The following CSMD1 variants were observed in gnomAD, a reference collection of about 807,000 sequenced individuals.
CSMD1 encodes the protein CUB and sushi domain-containing protein 1.
CSMD1 carries 213 observed loss-of-function variants against 417.5 expected under a neutral mutation model. That is an observed-to-expected ratio of 0.51 (90% CI 0.46 to 0.57). The LOEUF is 0.57. Ranked by LOEUF, CSMD1 falls within the 20% of genes least tolerant of loss-of-function variation. The pLI is 0.00. For synonymous variants in CSMD1, 2,862 were observed against 1,736.8 expected, an observed-to-expected ratio of 1.65 and a Z score of -16.11; for missense variants, 6,923 against 4,529.7, an observed-to-expected ratio of 1.53 and a Z score of -15.17.
In CSMD1 at chr8:4,822,181, C is replaced by G. The variant is rs549831646; in HGVS notation, c.85+172151G>C. Among the ~76,000 whole-genome samples the G allele has an allele frequency of 1.2e-4, 18 of 152,160 alleles. No individual in the cohort carries two copies. In the South Asian group the frequency reaches 2.7e-3, roughly 23 times the overall value. The stretch of plus-strand genomic sequence containing the variant: ...AATTTACTTCTGTGACTGTGCATTC[C>G]AGCAAAGTAAAATAAAATTGTGTGT... On this transcript the variant is annotated intron_variant, in intron 1 of 69. Coordinates refer to ENST00000635120, the MANE Select transcript of CSMD1 (RefSeq NM_033225.6).
At chr8:4,855,574 C>T (rs1247884619) in intron 1 of CSMD1, among the ~76,000 whole-genome samples, 1 of 152,094 alleles carries the variant, frequency 6.6e-6, no homozygotes, top group African/African-American at 2.4e-5. Flanking sequence ...CTTAAAGGAG[C>T]TGATGGAGCT....
intron 2 of CSMD1, among the ~76,000 whole-genome samples, chr8:4,539,875 A>G (rs1797293045): frequency 6.6e-6 from 1 of 152,104 alleles, no homozygotes; most frequent in African/African-American, 2.4e-5. Flanking sequence ...CTGCCTCAAG[A>G]CAGGAACCCC....
chr8:4,382,991 C>T (rs1033760251), intron 3 of CSMD1, among the ~76,000 whole-genome samples: 1 of 152,174 alleles, frequency 6.6e-6, no homozygotes, highest in African/African-American at 2.4e-5. Flanking sequence ...GTCGCACCAT[C>T]GTCTGTATAT....
intron 8 of CSMD1, among the ~76,000 whole-genome samples, chr8:3,591,389 A>G (rs79884786): frequency 5.1e-4 from 78 of 152,326 alleles, no homozygotes; most frequent in African/African-American, 1.8e-3. Context: ...TGAGTAAACT[A>G]TTTCCAAACA....
chr8:3,739,496 ATATC>A (rs1219902433), intron 6 of CSMD1, among the ~76,000 whole-genome samples: 1 of 152,216 alleles, frequency 6.6e-6, no homozygotes, highest in Admixed American at 6.5e-5. Context: ...ATGTTTCAAA[ATATC>A]TCTCTGTATT....
At chr8:3,996,266 G>C (rs1182347495) in intron 5 of CSMD1, among the ~76,000 whole-genome samples, 2 of 152,252 alleles carry the variant, frequency 1.3e-5, no homozygotes, top group East Asian at 3.9e-4. Flanking sequence ...CTAAAAATAA[G>C]ACCTTTAACT....
At chr8:3,270,916 T>TAC (rs1801798086) in intron 26 of CSMD1, among the ~76,000 whole-genome samples, 1 of 138,158 alleles carries the variant, frequency 7.2e-6, no homozygotes, top group African/African-American at 2.8e-5. Flanking sequence ...TTTTTCTTTT[T>TAC]TTTTTTAATT....
In CSMD1 at chr8:3,682,515, T is replaced by G. The variant is rs530832523; in HGVS notation, c.1009+25899A>C. ...AGATACCATCTCACAACAGTTGGAATGGCGATCATTAAAAAGTCAGGAAAC... is the reference window on the plus strand; with the variant it reads ...AGATACCATCTCACAACAGTTGGAAGGGCGATCATTAAAAAGTCAGGAAAC... On this transcript the variant is annotated intron_variant, in intron 7 of 69. Transcript: ENST00000635120. Among the ~76,000 whole-genome samples, 7 of 152,282 alleles carry G rather than the reference T, an allele frequency of 4.6e-5. No individual in the cohort carries two copies. In the South Asian group the frequency reaches 1.2e-3, roughly 27 times the overall value.
At chr8:4,573,887 C>T (rs1413987433) in intron 2 of CSMD1, among the ~76,000 whole-genome samples, 1 of 152,134 alleles carries the variant, frequency 6.6e-6, no homozygotes, top group Non-Finnish European at 1.5e-5. Context: ...TGCGTTCTGC[C>T]CAGTTCAAAC....
intron 5 of CSMD1, among the ~76,000 whole-genome samples, chr8:3,825,660 C>G (rs1802016732): frequency 6.6e-6 from 1 of 152,158 alleles, no homozygotes; most frequent in Non-Finnish European, 1.5e-5. Context: ...CGACTGAGGC[C>G]AAGTTTTACT....
intron 7 of CSMD1, among the ~76,000 whole-genome samples, chr8:3,674,932 C>G (rs930387209): frequency 6.6e-6 from 1 of 152,268 alleles, no homozygotes; most frequent in South Asian, 2.1e-4. Flanking sequence ...CAACACGTCA[C>G]CCCCTAAGCC....
intron 5 of CSMD1, among the ~76,000 whole-genome samples, chr8:3,871,313 T>C (rs951633362): frequency 3.3e-5 from 5 of 152,088 alleles, no homozygotes; most frequent in African/African-American, 1.2e-4. Context: ...ACTAGTAGTG[T>C]TGGAAAATCA....
At chr8:4,410,190 A>G (rs1474988671) in intron 3 of CSMD1, among the ~76,000 whole-genome samples, 2 of 152,176 alleles carry the variant, frequency 1.3e-5, no homozygotes, top group Non-Finnish European at 2.9e-5. Flanking sequence ...AGTTTTCTAT[A>G]CCAGATACTG....
chr8:4,345,351 T>G lies in CSMD1; in HGVS notation c.415+74602A>C, dbSNP rs529634725. Reference sequence around the variant, plus strand: ...CTTTTCCTTGCTTGGTTTCCAATTTTGTTATTTTTGACATGTAATTATACA... The same window carrying G: ...CTTTTCCTTGCTTGGTTTCCAATTTGGTTATTTTTGACATGTAATTATACA... On this transcript the variant is annotated intron_variant, in intron 3 of 69. Coordinates refer to ENST00000635120, the MANE Select transcript of CSMD1 (RefSeq NM_033225.6). Among the ~76,000 whole-genome samples, 64 of 152,288 alleles carry G rather than the reference T, an allele frequency of 4.2e-4. 2 individuals carry two copies. In the South Asian group the frequency reaches 0.013, roughly 30 times the overall value.
intron 22 of CSMD1, among the ~76,000 whole-genome samples, chr8:3,347,725 A>G (rs1218962712): frequency 6.6e-6 from 1 of 152,238 alleles, no homozygotes; most frequent in African/African-American, 2.4e-5. Flanking sequence ...GCTGAAGATC[A>G]AAAGTGTTAA....
Position 4,316,756 on chromosome 8 carries a change from G to A in CSMD1, c.415+103197C>T, listed in dbSNP as rs148266597. Among the ~76,000 whole-genome samples the A allele has an allele frequency of 9.7e-4, 148 of 152,094 alleles. No homozygotes were observed. The South Asian group carries it at 0.012, about 12-fold the overall frequency. ...TAGTTAAATAAGAAAGTGGTCGAAC[G>A]CCCCCAAAACCCTTTTCAAATCCAG... On this transcript the variant is annotated intron_variant, in intron 3 of 69. Coordinates refer to ENST00000635120, the MANE Select transcript of CSMD1 (RefSeq NM_033225.6).
intron 1 of CSMD1, among the ~76,000 whole-genome samples, chr8:4,816,817 G>A (rs762380293): frequency 1.3e-5 from 2 of 152,180 alleles, no homozygotes; most frequent in African/African-American, 4.8e-5. Context: ...CACAGAGCCA[G>A]AACTGAGAGA....
intron 8 of CSMD1, among the ~76,000 whole-genome samples, chr8:3,602,444 C>A (rs1224388403): frequency 6.6e-6 from 1 of 151,986 alleles, no homozygotes; most frequent in African/African-American, 2.4e-5. Context: ...GGGGAATGGC[C>A]CCAAAATCAA....
intron 6 of CSMD1, among the ~76,000 whole-genome samples, chr8:3,736,128 T>G (rs1796509313): frequency 1.3e-5 from 2 of 152,200 alleles, no homozygotes; most frequent in Admixed American, 1.3e-4. Context: ...ACATTAAATC[T>G]TTTCAGTACT....
Sources: allele counts gnomAD v4.1 joint callset (sites outside exome capture counted in the v4.1 genomes callset), GRCh38; gene constraint gnomAD v4.1.1; transcripts MANE v1.5; gene names NCBI Gene and HGNC (gene_info 2026-07-23, HGNC 2026-07-21).